Variants in MYT1L observed in about 807,000 individuals in gnomAD.
The protein encoded by MYT1L is myelin transcription factor 1 like, also known as myelin transcription factor 1-like protein.
MYT1L carries 12 observed loss-of-function variants against 126.7 expected under a neutral mutation model. That is an observed-to-expected ratio of 0.09 (90% CI 0.06 to 0.15). The LOEUF (loss-of-function observed/expected upper bound fraction) is 0.15. Ranked by LOEUF, MYT1L falls within the 10% of genes least tolerant of loss-of-function variation. The pLI is 1.00. For synonymous variants in MYT1L, 541 were observed against 604.2 expected, an observed-to-expected ratio of 0.90 and a Z score of 1.53; for missense variants, 979 against 1,585.2, an observed-to-expected ratio of 0.62 and a Z score of 6.49.
chr2:2,131,257 T>C (rs533243102), intron 3 of MYT1L, among the ~76,000 whole-genome samples: 1 of 152,262 alleles, frequency 6.6e-6, no homozygotes, highest in African/African-American at 2.4e-5. Context: ...AGGATGCACA[T>C]TACTTAGGGG....
intron 8 of MYT1L, among the ~76,000 whole-genome samples, chr2:1,950,997 C>T (rs557604532): frequency 1.3e-5 from 2 of 152,224 alleles, no homozygotes; most frequent in Admixed American, 1.3e-4. Flanking sequence ...GCCTGGTTGC[C>T]AGCTCAGGTA....
chr2:1,847,094 G>A (rs946586339), intron 19 of MYT1L, among the ~76,000 whole-genome samples: 2 of 152,208 alleles, frequency 1.3e-5, no homozygotes, highest in African/African-American at 4.8e-5. Flanking sequence ...CATGCTGGAG[G>A]CTTCGATTTT....
At chr2:1,898,839 G>T (rs760986713) in intron 14 of MYT1L, among the ~76,000 whole-genome samples, 1 of 152,204 alleles carries the variant, frequency 6.6e-6, no homozygotes, top group Non-Finnish European at 1.5e-5. Context: ...GCAGGCGGGC[G>T]TGGTGGGGCT....
chr2:1,995,479 A>G (rs1005581304), intron 5 of MYT1L, among the ~76,000 whole-genome samples: 3 of 152,124 alleles, frequency 2.0e-5, no homozygotes, highest in African/African-American at 7.2e-5. Flanking sequence ...ATAAGAGAAA[A>G]CCCTAAAAAA....
At chr2:2,120,321 T>C (rs543202403) in intron 3 of MYT1L, among the ~76,000 whole-genome samples, 181 of 152,228 alleles carry the variant, frequency 1.2e-3, no homozygotes, top group African/African-American at 4.1e-3. Context: ...GGGATGAACG[T>C]CATCTGCCTG....
chr2:2,141,680 G>C (rs1328315192), intron 3 of MYT1L, among the ~76,000 whole-genome samples: 1 of 152,190 alleles, frequency 6.6e-6, no homozygotes. Context: ...GGCATATCAA[G>C]AGTGCTCACT....
At chr2:1,960,771 C>T (rs542002777) in intron 8 of MYT1L, among the ~76,000 whole-genome samples, 2 of 151,882 alleles carry the variant, frequency 1.3e-5, no homozygotes, top group East Asian at 2.0e-4. Context: ...GTCCCTGGGG[C>T]TTCTCTCACA....
At chr2:1,931,857 CCT>C (rs1222524703) in intron 9 of MYT1L, among the ~76,000 whole-genome samples, 19 of 152,146 alleles carry the variant, frequency 1.2e-4, no homozygotes, top group Admixed American at 1.2e-3. Flanking sequence ...GCAATGCCTT[CCT>C]CAACTCCAGG....
chr2:2,219,383 C>T (rs1031351186), intron 2 of MYT1L, among the ~76,000 whole-genome samples: 4 of 152,156 alleles, frequency 2.6e-5, no homozygotes, highest in African/African-American at 7.2e-5. Context: ...AGAGGTTCTT[C>T]TTCAAAGACT....
At chr2:2,186,527 C>G (rs1396905105) in intron 2 of MYT1L, among the ~76,000 whole-genome samples, 1 of 152,220 alleles carries the variant, frequency 6.6e-6, no homozygotes, top group African/African-American at 2.4e-5. Flanking sequence ...TTGCCCCCAT[C>G]ACTACCATTG....
intron 2 of MYT1L, among the ~76,000 whole-genome samples, chr2:2,275,202 ATGTGTGTGTGTGTGTGTGTG>A (rs10522538): frequency 4.3e-5 from 6 of 139,452 alleles, no homozygotes; most frequent in Admixed American, 3.6e-4. Context: ...TAATAATAAA[ATGTGTGTGTGTGTGTGTGTG>A]TGTGTGTGTG....
intron 8 of MYT1L, among the ~76,000 whole-genome samples, chr2:1,958,454 G>A (rs112365274): frequency 6.6e-6 from 1 of 152,336 alleles, no homozygotes; most frequent in African/African-American, 2.4e-5. Context: ...ACCCAGATAG[G>A]GTTGCTTTAT....
At chr2:2,281,759 G>A (rs1218537521) in intron 2 of MYT1L, among the ~76,000 whole-genome samples, 1 of 152,176 alleles carries the variant, frequency 6.6e-6, no homozygotes, top group Non-Finnish European at 1.5e-5. Flanking sequence ...GACATAGTCT[G>A]TATCTCTCCA....
chr2:2,266,306 ACT>A (rs2095128282), intron 2 of MYT1L, among the ~76,000 whole-genome samples: 1 of 152,086 alleles, frequency 6.6e-6, no homozygotes, highest in Non-Finnish European at 1.5e-5. Flanking sequence ...CCTTGGGAAT[ACT>A]CATTCCTTGT....
intron 2 of MYT1L, among the ~76,000 whole-genome samples, chr2:2,185,814 C>T (rs1326145223): frequency 7.3e-6 from 1 of 137,868 alleles, no homozygotes; most frequent in Non-Finnish European, 1.6e-5. Context: ...TCCGGGCCTT[C>T]CCGAGTCCCG....
intron 8 of MYT1L, among the ~76,000 whole-genome samples, chr2:1,961,574 C>T (rs1344251387): frequency 6.6e-6 from 1 of 152,196 alleles, no homozygotes; most frequent in African/African-American, 2.4e-5. Flanking sequence ...CTTCGTGCAC[C>T]CACACTGGCA....
intron 8 of MYT1L, among the ~76,000 whole-genome samples, chr2:1,970,120 C>T (rs998322826): frequency 3.9e-5 from 6 of 152,156 alleles, no homozygotes; most frequent in South Asian, 2.1e-4. Flanking sequence ...ACCCTGAAAG[C>T]GCTGTTCTCT....
intron 18 of MYT1L, among the ~76,000 whole-genome samples, chr2:1,869,649 G>GT (rs1203730118): frequency 3.3e-5 from 5 of 152,232 alleles, no homozygotes; most frequent in African/African-American, 1.2e-4. Flanking sequence ...CTGGTCTGTG[G>GT]TATCTAGTGA....
intron 2 of MYT1L, among the ~76,000 whole-genome samples, chr2:2,279,532 G>C (rs2095415891): frequency 7.3e-6 from 1 of 137,480 alleles, no homozygotes; most frequent in Non-Finnish European, 1.6e-5. Context: ...GAGGGAAGGA[G>C]GAAGGAGAGA....
Sources: allele counts gnomAD v4.1 joint callset (sites outside exome capture counted in the v4.1 genomes callset), GRCh38; gene constraint gnomAD v4.1.1; transcripts MANE v1.5; gene names NCBI Gene and HGNC (gene_info 2026-07-23, HGNC 2026-07-21).